ZNF708: variants seen among roughly 807,000 people sequenced by gnomAD.
The protein encoded by ZNF708 is ZNF15, ZNF15L1.
Under a neutral mutation model 47.0 loss-of-function variants are expected in ZNF708, and 44 were observed. The ratio of observed to expected loss-of-function variants is 0.94; its 90% CI spans 0.74 to 1.20. The LOEUF is 1.20. Ranked by LOEUF, ZNF708 falls within the 50% of genes most tolerant of loss-of-function variation. The pLI, the probability that ZNF708 is intolerant of heterozygous loss-of-function variation, is 0.00. For missense variants in ZNF708, 557 were observed against 656.0 expected (o/e 0.85, Z 1.65); for synonymous variants, 184 against 218.5 (o/e 0.84, Z 1.39).
Position 21,309,220 on chromosome 19 carries a change from C to A in ZNF708, c.226+26G>T, listed in dbSNP as rs746930142. The stretch of plus-strand genomic sequence containing the variant: ...TTACCTTTGGACCTCACATCTGTGT[C>A]ATCTGTTGTGTTCACTCTCACCTAC... On this transcript the variant is annotated intron_variant, in intron 3 of 3. Transcript: ENST00000356929. 8.3e-6 allele frequency: 13 copies of A among 1,561,288 alleles called. No individual in the cohort carries two copies. The South Asian group carries it at 1.5e-4, about 18-fold the overall frequency.
At chr19:21,308,278 A>T (rs566296104) in intron 3 of ZNF708, among the ~76,000 whole-genome samples, 1 of 151,330 alleles carries the variant, frequency 6.6e-6, no homozygotes, top group South Asian at 2.1e-4. Flanking sequence ...ACTATAATAA[A>T]TCTTTTTTTT....
intron 3 of ZNF708, among the ~76,000 whole-genome samples, chr19:21,296,043 G>A (rs1972520580): frequency 6.6e-6 from 1 of 151,986 alleles, no homozygotes; most frequent in Non-Finnish European, 1.5e-5. Flanking sequence ...CAGACAAGAA[G>A]AGAATCTTGG....
At chr19:21,321,321 G>A (rs1470397621) in intron 1 of ZNF708, among the ~76,000 whole-genome samples, 1 of 152,100 alleles carries the variant, frequency 6.6e-6, no homozygotes, top group Non-Finnish European at 1.5e-5. Context: ...GGGCATTGTG[G>A]CTCACGCCTG....
chr19:21,325,378 A>G (rs1973235082), intron 1 of ZNF708, among the ~76,000 whole-genome samples: 1 of 152,224 alleles, frequency 6.6e-6, no homozygotes, highest in Non-Finnish European at 1.5e-5. Context: ...ACATAGACCA[A>G]TGGAACAGAA....
intron 3 of ZNF708, 128 bp downstream of exon 3, chr19:21,309,118 T>A: frequency 1.1e-6 from 1 of 921,364 alleles, no homozygotes; most frequent in Non-Finnish European, 1.6e-6. Flanking sequence ...TATATTAAAG[T>A]TAAAAAAACA....
At chr19:21,326,154 G>A (rs1324686477) in intron 1 of ZNF708, among the ~76,000 whole-genome samples, 1 of 152,178 alleles carries the variant, frequency 6.6e-6, no homozygotes, top group African/African-American at 2.4e-5. Context: ...AAACACTGTG[G>A]AGATTCCTTA....
intron 3 of ZNF708, among the ~76,000 whole-genome samples, chr19:21,295,696 T>C (rs750453513): frequency 2.0e-5 from 3 of 151,702 alleles, no homozygotes; most frequent in Non-Finnish European, 4.4e-5. Flanking sequence ...GGTGAGCTGA[T>C]ATCATGCCAT....
At position 21,310,620 on chromosome 19, in the gene ZNF708, A is replaced by T. The variant is rs757607069; in HGVS notation, c.11T>A (p.Leu4Ter). The T allele has an allele frequency of 6.5e-7, 1 of 1,535,038 alleles. No individual in the cohort carries two copies. The highest frequency in any genetic ancestry group is 8.8e-7 in the Non-Finnish European group (1 of 1,140,410). The change falls in exon 2 of 4, where the codon TTG (leucine) becomes TAG (stop). Residue 4 changes from leucine to a stop codon, truncating the protein, a stop_gained. Transcript: ENST00000356929. LOFTEE classifies it high-confidence loss of function. ...TTCTATGGCCACATCCATAAATGTC[A>T]ATGGTCCCTGAAAAACACATACACA... The part of the protein sequence containing the change: MGP[L>*]TFMDVAIEFS...
At chr19:21,321,656 G>A (rs1223843034) in intron 1 of ZNF708, among the ~76,000 whole-genome samples, 1 of 143,388 alleles carries the variant, frequency 7.0e-6, no homozygotes, top group Non-Finnish European at 1.5e-5. Context: ...GAGGGAGGGA[G>A]GTGAGAGAGA....
chr19:21,293,266 T>G lies in ZNF708; in HGVS notation c.*8A>C. ...AAAAGTTGAAAATACACTAAAGGAT[T>G]TGACACATTATTTACATTTGTAGGG... On this transcript the variant is annotated 3_prime_UTR_variant, in exon 4 of 4. Transcript: ENST00000356929. 6.3e-7 allele frequency: 1 copy of G among 1,597,838 alleles called. No homozygotes were observed.
Position 21,311,078 on chromosome 19 carries a change from T to C in ZNF708, c.4-451A>G, listed in dbSNP as rs1408141352. 2.0e-5 allele frequency among the ~76,000 whole-genome samples: 3 copies of C among 152,192 alleles called. No individual in the cohort carries two copies. The East Asian group carries it at 5.8e-4, about 29-fold the overall frequency. ...CTGGAATAAAGTCTCAGTTTTTAAA[T>C]TTCTAACAAGCTCACCAATAATTCC... is the stretch of plus-strand genomic sequence containing the variant. On this transcript the variant is annotated intron_variant, in intron 1 of 3. Coordinates refer to ENST00000356929, the MANE Select transcript of ZNF708 (RefSeq NM_021269.3).
chr19:21,293,388 A>G lies in ZNF708; in HGVS notation c.1578T>C (p.His526=), dbSNP rs376442919. 6.2e-7 allele frequency: 1 copy of G among 1,613,496 alleles called. No individual in the cohort carries two copies. Among genetic ancestry groups the G allele is most frequent in the African/African-American group, 1.3e-5 (1 of 74,880 alleles). Residue 526 remains histidine (H), a synonymous_variant, in exon 4 of 4, where the codon CAT becomes CAC. Transcript: ENST00000356929. ...SSTLMKHKII[H]TGEKPYKCEE... is the part of the protein sequence containing the mutation. ...CACATTTGTAGGGTTTCTCTCCAGT[A>G]TGAATTATCTTATGTTTCATAAGGG... is the stretch of plus-strand genomic sequence containing the variant.
intron 1 of ZNF708, among the ~76,000 whole-genome samples, chr19:21,326,161 C>T (rs1973252121): frequency 6.6e-6 from 1 of 152,126 alleles, no homozygotes; most frequent in Non-Finnish European, 1.5e-5. Context: ...GTGGAGATTC[C>T]TTAAAGAACT....
rs1159318480 is a variant in ZNF708 at position 21,292,402 on chromosome 19, TATAC to T, written c.*868_*871del. 2 of 152,258 alleles carry T rather than the reference TATAC, an allele frequency of 1.3e-5. No homozygotes were observed. 9.4% of individuals were successfully genotyped at this position (152,258 alleles called of 1,614,324 possible). On this transcript the variant is annotated 3_prime_UTR_variant, in exon 4 of 4. Transcript: ENST00000356929. ...TATTTTGGATTAAATGTTTTAAATATATACTGCATCTGCAAAAATATATCTCAGT... is the reference window on the plus strand; with the variant it reads ...TATTTTGGATTAAATGTTTTAAATATTGCATCTGCAAAAATATATCTCAGT...
chr19:21,293,659 G>A lies in ZNF708; in HGVS notation c.1307C>T (p.Thr436Ile), dbSNP rs1361260947. The A allele has an allele frequency of 2.5e-6, 4 of 1,612,306 alleles. No individual in the cohort carries two copies. The South Asian group carries it at 4.4e-5, about 18-fold the overall frequency. The change falls in exon 4 of 4, where the codon ACT becomes ATT. Residue 436 changes from threonine to isoleucine, a missense_variant. Physicochemically the swap from Thr to Ile is moderately conservative, Grantham distance 89. Coordinates refer to ENST00000356929, the MANE Select transcript of ZNF708 (RefSeq NM_021269.3). ...GKAFSIFSILTKHKVIHTEDK... is the reference protein window; with the variant it reads ...GKAFSIFSILIKHKVIHTEDK... ...TTCAGTATGAATTACTTTATGTTTAGTAAGGATTGAGAATATACTAAAGGC... is the reference window on the plus strand; with the variant it reads ...TTCAGTATGAATTACTTTATGTTTAATAAGGATTGAGAATATACTAAAGGC...
chr19:21,329,000 G>A (rs1421547554), intron 1 of ZNF708, among the ~76,000 whole-genome samples: 2 of 152,234 alleles, frequency 1.3e-5, no homozygotes, highest in Admixed American at 6.5e-5. Context: ...CACAGTCACT[G>A]CGCAGGGAAG....
chr19:21,327,831 T>G (rs563017688), intron 1 of ZNF708: 1 of 228,764 alleles, frequency 4.4e-6, no homozygotes, highest in African/African-American at 2.3e-5. Flanking sequence ...CTCCAAGAAA[T>G]GGAAGCTGGG....
At chr19:21,323,265 C>G (rs963792426) in intron 1 of ZNF708, among the ~76,000 whole-genome samples, 18 of 152,154 alleles carry the variant, frequency 1.2e-4, no homozygotes, top group African/African-American at 3.9e-4. Flanking sequence ...CGACTCTGCA[C>G]ATTTTTTTTC....
chr19:21,322,324 C>CA (rs1973166203), intron 1 of ZNF708, among the ~76,000 whole-genome samples: 1 of 149,926 alleles, frequency 6.7e-6, no homozygotes, highest in Non-Finnish European at 1.5e-5. Flanking sequence ...TCTTTTGAGA[C>CA]AGAGTCTAGT....
Sources: allele counts gnomAD v4.1 joint callset (sites outside exome capture counted in the v4.1 genomes callset), GRCh38; gene constraint gnomAD v4.1.1; transcripts MANE v1.5; gene names NCBI Gene and HGNC (gene_info 2026-07-23, HGNC 2026-07-21).